Variants in MAST4 observed in about 807,000 individuals in gnomAD.
MAST4 encodes microtubule-associated serine/threonine-protein kinase 4.
MAST4 carries 89 observed loss-of-function variants against 162.7 expected under a neutral mutation model. The observed-to-expected ratio is 0.55, with a 90% CI of 0.46 to 0.65. MAST4 has a LOEUF of 0.65. Ranked by LOEUF, MAST4 falls within the 30% of genes least tolerant of loss-of-function variation. The pLI is 0.00. For missense variants in MAST4, 3,153 were observed against 3,374.0 expected (o/e 0.93, Z 1.62); for synonymous variants, 1,479 against 1,361.1 (o/e 1.09, Z -1.91).
chr5:66,845,126 T>TATATATATATATATATATACAC (rs1358855625), intron 3 of MAST4, among the ~76,000 whole-genome samples: 5 of 67,170 alleles, frequency 7.4e-5, no homozygotes, highest in Non-Finnish European at 1.4e-4. Flanking sequence ...TATATATATA[T>TATATATATATATATATATACAC]ACACACACAC....
At position 66,788,565 on chromosome 5, in the gene MAST4, C is replaced by A. The variant is rs1054832822; in HGVS notation, c.518-105C>A. Reference sequence around the variant, plus strand: ...ATTACTGGGTATGGCAGAAGTAATACAGAACAAGGTTGGCCAGGAAGAGAC... The same window carrying A: ...ATTACTGGGTATGGCAGAAGTAATAAAGAACAAGGTTGGCCAGGAAGAGAC... On this transcript the variant is annotated intron_variant, in intron 2 of 28. Coordinates refer to ENST00000403625, the MANE Select transcript of MAST4 (RefSeq NM_001164664.2). 16 of 1,353,598 alleles carry A rather than the reference C, an allele frequency of 1.2e-5. No individual in the cohort carries two copies. The Admixed American group carries it at 2.4e-4, about 20-fold the overall frequency. The allele number at this position is 1,353,598 out of a possible 1,614,324, so 83.8% of individuals were successfully genotyped here. A position where few individuals can be genotyped will look rare whatever the true frequency, so the allele number is the denominator to read the frequency against.
intron 3 of MAST4, among the ~76,000 whole-genome samples, chr5:66,896,985 G>A (rs1762721923): frequency 6.6e-6 from 1 of 152,034 alleles, no homozygotes; most frequent in African/African-American, 2.4e-5. Flanking sequence ...TTAAAAGTCT[G>A]GGGGGAGGAT....
intron 1 of MAST4, among the ~76,000 whole-genome samples, chr5:66,680,160 G>T (rs1748234413): frequency 6.6e-6 from 1 of 152,168 alleles, no homozygotes; most frequent in Admixed American, 6.5e-5. Context: ...GAAAGGCTGA[G>T]AATACACTTT....
At chr5:66,719,526 C>T (rs963472419) in intron 1 of MAST4, among the ~76,000 whole-genome samples, 1 of 152,076 alleles carries the variant, frequency 6.6e-6, no homozygotes, top group African/African-American at 2.4e-5. Flanking sequence ...CAGTGTTTTA[C>T]AGATTTGCTT....
chr5:66,631,206 A>T (rs1744770974), intron 1 of MAST4, among the ~76,000 whole-genome samples: 1 of 152,208 alleles, frequency 6.6e-6, no homozygotes, highest in Non-Finnish European at 1.5e-5. Context: ...AAGGACTTCA[A>T]CAAATAAAAT....
At chr5:66,921,310 G>A (rs891748355) in intron 4 of MAST4, among the ~76,000 whole-genome samples, 3 of 152,042 alleles carry the variant, frequency 2.0e-5, no homozygotes, top group East Asian at 1.9e-4. Context: ...TGTTCAAAGC[G>A]GTACTCCATA....
At chr5:66,659,571 G>T (rs977082102) in intron 1 of MAST4, among the ~76,000 whole-genome samples, 2 of 152,144 alleles carry the variant, frequency 1.3e-5, no homozygotes, top group Non-Finnish European at 2.9e-5. Context: ...GTCAGTTTAG[G>T]TTTTTGTAGA....
chr5:67,025,751 G>A (rs12517976), intron 4 of MAST4, among the ~76,000 whole-genome samples: 28,362 of 152,208 alleles, frequency 0.19, 3,084 homozygotes, highest in Non-Finnish European at 0.25. Context: ...AGGAAAGCCC[G>A]GAGTATATTA....
At chr5:66,946,741 C>T (rs1744072653) in intron 4 of MAST4, among the ~76,000 whole-genome samples, 1 of 152,132 alleles carries the variant, frequency 6.6e-6, no homozygotes, top group African/African-American at 2.4e-5. Context: ...GCTAAAAGTT[C>T]AGTCTAAATT....
intron 7 of MAST4, among the ~76,000 whole-genome samples, chr5:67,099,484 CTT>C (rs1764795726): frequency 6.6e-6 from 1 of 152,082 alleles, no homozygotes; most frequent in South Asian, 2.1e-4. Context: ...GAAGGATACT[CTT>C]AATATAATGA....
intron 1 of MAST4, among the ~76,000 whole-genome samples, chr5:66,669,749 G>A (rs912697797): frequency 2.0e-5 from 3 of 152,212 alleles, no homozygotes; most frequent in Admixed American, 1.3e-4. Flanking sequence ...AAGAGGCACT[G>A]TTTCTGGAAT....
chr5:66,968,876 A>G (rs1484008204), intron 4 of MAST4, among the ~76,000 whole-genome samples: 1 of 152,196 alleles, frequency 6.6e-6, no homozygotes, highest in African/African-American at 2.4e-5. Context: ...ATGCCTAGCT[A>G]TGGTGAGGGA....
chr5:67,161,946 G>C (rs145228416), intron 27 of MAST4, among the ~76,000 whole-genome samples: 1 of 152,278 alleles, frequency 6.6e-6, no homozygotes, highest in Non-Finnish European at 1.5e-5. Context: ...GCCCTGCTAA[G>C]GTGTCAGAAG....
intron 1 of MAST4, among the ~76,000 whole-genome samples, chr5:66,749,798 G>A (rs899110254): frequency 6.6e-6 from 1 of 152,214 alleles, no homozygotes; most frequent in African/African-American, 2.4e-5. Flanking sequence ...AGGATAGTAA[G>A]TGTCAGCTCT....
At chr5:66,631,533 A>G (rs1239611056) in intron 1 of MAST4, among the ~76,000 whole-genome samples, 2 of 152,088 alleles carry the variant, frequency 1.3e-5, no homozygotes, top group African/African-American at 2.4e-5. Context: ...GGGAAAACAG[A>G]GTTGGGAGAG....
chr5:66,685,941 T>G (rs1476243257), intron 1 of MAST4, among the ~76,000 whole-genome samples: 2 of 152,122 alleles, frequency 1.3e-5, no homozygotes, highest in Non-Finnish European at 2.9e-5. Context: ...TAGGCATTAG[T>G]TAGATTCTCA....
intron 23 of MAST4, among the ~76,000 whole-genome samples, chr5:67,148,631 T>G (rs1478744322): frequency 6.6e-6 from 1 of 152,096 alleles, no homozygotes; most frequent in Non-Finnish European, 1.5e-5. Flanking sequence ...AAGGTGTGGT[T>G]TAGAGGGGAG....
At chr5:66,925,611 C>T (rs1393961843) in intron 4 of MAST4, among the ~76,000 whole-genome samples, 1 of 152,110 alleles carries the variant, frequency 6.6e-6, no homozygotes, top group Non-Finnish European at 1.5e-5. Flanking sequence ...TGGAAGATTT[C>T]CCAGAGTTCC....
At chr5:66,798,133 G>A (rs1414104655) in intron 3 of MAST4, among the ~76,000 whole-genome samples, 2 of 152,202 alleles carry the variant, frequency 1.3e-5, no homozygotes, top group Non-Finnish European at 2.9e-5. Flanking sequence ...AAGTAAGTCT[G>A]TGCATTTGTT....
Sources: gnomAD v4.1 joint callset for allele counts (sites outside exome capture counted in the v4.1 genomes callset) on GRCh38, gnomAD v4.1.1 for gene constraint, MANE v1.5 for transcripts, NCBI Gene and HGNC (gene_info 2026-07-23, HGNC 2026-07-21) for gene names.